Variants in ANKRD16 observed in about 807,000 individuals in gnomAD.
ANKRD16 encodes the protein ankyrin repeat domain 16.
Under a neutral mutation model 37.9 loss-of-function variants are expected in ANKRD16, and 35 were observed. That is an observed-to-expected ratio of 0.92 (90% confidence interval 0.71 to 1.23). ANKRD16 has a LOEUF of 1.23. Among genes scored for constraint, ANKRD16 ranks in the 50% most tolerant of loss-of-function variants. The pLI, the probability that ANKRD16 is intolerant of heterozygous loss-of-function variation, is 0.00. For missense variants in ANKRD16, 480 were observed against 469.9 expected, an observed-to-expected ratio of 1.02 and a Z score of -0.20; for synonymous variants, 206 against 197.2, an observed-to-expected ratio of 1.04 and a Z score of -0.37.
chr10:5,870,980 G>C lies in ANKRD16; in HGVS notation c.*33+7117C>G, dbSNP rs1446555495. 6.6e-6 allele frequency among the ~76,000 whole-genome samples: 1 copy of C among 152,208 alleles called. No individual in the cohort carries two copies. The highest frequency in any genetic ancestry group is 1.5e-5 in the Non-Finnish European group (1 of 68,038). ...ATTTTCAGCATGGTAGGAGGAGGCA[G>C]GTTCTGCAAATGCTGCAGGGTGGGT... is the stretch of plus-strand genomic sequence containing the variant. On this transcript the variant is annotated intron_variant, in intron 7 of 7. Coordinates refer to ENST00000380094, the MANE Select transcript of ANKRD16 (RefSeq NM_019046.3). This position sits in a 1 kb window ranked among gnomAD's most constrained non-coding sequence, Gnocchi z 5.0.
rs901791893 is a variant in ANKRD16 at position 5,878,693 on chromosome 10, G to A, written c.929-406C>T. On this transcript the variant is annotated intron_variant, in intron 6 of 7. Coordinates refer to ENST00000380094, the MANE Select transcript of ANKRD16 (RefSeq NM_019046.3). This position sits in a 1 kb window ranked among gnomAD's most constrained non-coding sequence, Gnocchi z 5.1. ...CATGCCTGTAATCCCAGCTACTCGG[G>A]AGGCTGAGGCAGGAAAATCGCTTGA... 2.0e-5 allele frequency among the ~76,000 whole-genome samples: 3 copies of A among 152,060 alleles called. No homozygotes were observed. The highest frequency in any genetic ancestry group is 7.2e-5 in the African/African-American group (3 of 41,474).
chr10:5,878,074 TTAAGAA>T lies in ANKRD16; in HGVS notation c.*33+17_*33+22del. The T allele has an allele frequency of 6.4e-7, 1 of 1,569,060 alleles. No homozygotes were observed. The highest frequency in any genetic ancestry group is 1.2e-5 in the South Asian group (1 of 83,730). On this transcript the variant is annotated intron_variant, in intron 7 of 7. Coordinates refer to ENST00000380094, the MANE Select transcript of ANKRD16 (RefSeq NM_019046.3). This position sits in a 1 kb window ranked among gnomAD's most constrained non-coding sequence, Gnocchi z 5.1. ...TGGTTTCGCTGAATCTGTGACTGACTTAAGAAGCAGGATATGAATTACCATGCACTT... is the reference window on the plus strand; with the variant it reads ...TGGTTTCGCTGAATCTGTGACTGACTGCAGGATATGAATTACCATGCACTT...
intron 6 of ANKRD16, among the ~76,000 whole-genome samples, chr10:5,879,584 A>C (rs753313344): frequency 2.6e-4 from 39 of 152,322 alleles, no homozygotes; most frequent in Non-Finnish European, 4.3e-4. Context: ...GATGTTTCTG[A>C]ATATTCTAAA....
At chr10:5,872,766 CA>C (rs1269015410) in intron 7 of ANKRD16, among the ~76,000 whole-genome samples, 9 of 151,866 alleles carry the variant, frequency 5.9e-5, no homozygotes, top group East Asian at 2.0e-4. Flanking sequence ...CCGTGTTAGC[CA>C]AGATGGTCTT....
rs1257207599 is a variant in ANKRD16 at position 5,869,771 on chromosome 10, G to C, written c.*34-7080C>G. Among the ~76,000 whole-genome samples the C allele has an allele frequency of 1.3e-5, 2 of 151,144 alleles. No individual in the cohort carries two copies. The highest frequency in any genetic ancestry group is 1.5e-5 in the Non-Finnish European group (1 of 67,806). The stretch of plus-strand genomic sequence containing the variant: ...GCTGGAAGCAGCTGGGGGTTGCTGG[G>C]GGGAGGGGTGGGTGGGTGGGAATCT... On this transcript the variant is annotated intron_variant, in intron 7 of 7. Coordinates refer to ENST00000380094, the MANE Select transcript of ANKRD16 (RefSeq NM_019046.3). This position sits in a 1 kb window ranked among gnomAD's most constrained non-coding sequence, Gnocchi z 4.0.
At position 5,874,091 on chromosome 10, in the gene ANKRD16, A is replaced by G. The variant is rs557658228; in HGVS notation, c.*33+4006T>C. Among the ~76,000 whole-genome samples, 1 of 151,672 alleles carries G rather than the reference A, an allele frequency of 6.6e-6. No homozygotes were observed. The highest frequency in any genetic ancestry group is 1.5e-5 in the Non-Finnish European group (1 of 67,954). On this transcript the variant is annotated intron_variant, in intron 7 of 7. Transcript: ENST00000380094. The surrounding 1 kb of genome is among the most constrained non-coding windows in gnomAD (Gnocchi z 4.7). The stretch of plus-strand genomic sequence containing the variant: ...TTTTTAGTAAAGACGGGATTTCACC[A>G]TGTTGGCCAGGATGGTCTCGATCTC...
rs1446534799 is a variant in ANKRD16, at chr10:5,868,269, T to C, written c.*34-5578A>G. Among the ~76,000 whole-genome samples, 1 of 152,220 alleles carries C rather than the reference T, an allele frequency of 6.6e-6. No individual in the cohort carries two copies. The highest frequency in any genetic ancestry group is 1.5e-5 in the Non-Finnish European group (1 of 68,038). On this transcript the variant is annotated intron_variant, in intron 7 of 7. Transcript: ENST00000380094. This position sits in a 1 kb window ranked among gnomAD's most constrained non-coding sequence, Gnocchi z 4.9. ...CCCCTGGACCAAACTGCTGGCCCTT[T>C]GACTGGCCTAAAGAGTTCCCCTCTA...
chr10:5,864,485 G>A lies in ANKRD16; in HGVS notation c.*34-1794C>T, dbSNP rs1202974853. Reference sequence around the variant, plus strand: ...TAAGTTTTCAGATATATCCTGATAGGTATATAGATGTCCCACAGGGTCCAG... The same window carrying A: ...TAAGTTTTCAGATATATCCTGATAGATATATAGATGTCCCACAGGGTCCAG... On this transcript the variant is annotated intron_variant, in intron 7 of 7. Coordinates refer to ENST00000380094, the MANE Select transcript of ANKRD16 (RefSeq NM_019046.3). This position sits in a 1 kb window ranked among gnomAD's most constrained non-coding sequence, Gnocchi z 4.4. 6.6e-6 allele frequency among the ~76,000 whole-genome samples: 1 copy of A among 152,082 alleles called. No homozygotes were observed. The highest frequency in any genetic ancestry group is 1.5e-5 in the Non-Finnish European group (1 of 68,026).
At chr10:5,876,855 G>A (rs1167008609) in intron 7 of ANKRD16, among the ~76,000 whole-genome samples, 1 of 152,024 alleles carries the variant, frequency 6.6e-6, no homozygotes, top group Admixed American at 6.6e-5. Context: ...GCAATTCAGA[G>A]AGAAGGATCA....
chr10:5,865,792 A>C lies in ANKRD16; in HGVS notation c.*34-3101T>G, dbSNP rs1489253906. On this transcript the variant is annotated intron_variant, in intron 7 of 7. Transcript: ENST00000380094. The surrounding 1 kb of genome is among the most constrained non-coding windows in gnomAD (Gnocchi z 4.7). ...TTACTGATTTGTTGTCCCCTGCTTG[A>C]GGAGGGAATCAACCCTGAAGTCTGG... Among the ~76,000 whole-genome samples, 4 of 152,166 alleles carry C rather than the reference A, an allele frequency of 2.6e-5. No individual in the cohort carries two copies. The highest frequency in any genetic ancestry group is 5.9e-5 in the Non-Finnish European group (4 of 68,020).
intron 5 of ANKRD16, among the ~76,000 whole-genome samples, chr10:5,881,481 T>TATATATATATATATATATATATATA: frequency 7.7e-6 from 1 of 129,348 alleles, no homozygotes; most frequent in South Asian, 2.5e-4. Context: ...TATATATATA[T>TATATATATATATATATATATATATA]TTGAGATGTA....
rs989889105 is a variant in ANKRD16, at chr10:5,869,061, T to C, written c.*34-6370A>G. 1.4e-4 allele frequency among the ~76,000 whole-genome samples: 22 copies of C among 152,218 alleles called. No homozygotes were observed. Among genetic ancestry groups the C allele is most frequent in the African/African-American group, 4.8e-4 (20 of 41,520 alleles). Reference sequence around the variant, plus strand: ...CAAATTTGTAAATTTTCTTAAAACATTGAGATGTTTTGCGATTTTTTTTTT... The same window carrying C: ...CAAATTTGTAAATTTTCTTAAAACACTGAGATGTTTTGCGATTTTTTTTTT... On this transcript the variant is annotated intron_variant, in intron 7 of 7. Transcript: ENST00000380094. This position sits in a 1 kb window ranked among gnomAD's most constrained non-coding sequence, Gnocchi z 4.0.
chr10:5,886,254 T>TA (rs964230207), intron 2 of ANKRD16, among the ~76,000 whole-genome samples: 5 of 150,802 alleles, frequency 3.3e-5, no homozygotes, highest in Admixed American at 2.6e-4. Context: ...ATTCATGAGC[T>TA]AAAAAAAAGT....
chr10:5,888,495 G>A (rs1842493922), intron 1 of ANKRD16, among the ~76,000 whole-genome samples: 1 of 152,208 alleles, frequency 6.6e-6, no homozygotes, highest in African/African-American at 2.4e-5. Context: ...ACTAAAATCA[G>A]TGTCAATCTA....
At position 5,869,679 on chromosome 10, in the gene ANKRD16, C is replaced by T. The variant is rs965943799; in HGVS notation, c.*34-6988G>A. Among the ~76,000 whole-genome samples the T allele has an allele frequency of 4.7e-5, 7 of 148,882 alleles. No homozygotes were observed. Among genetic ancestry groups the T allele is most frequent in the South Asian group, 2.1e-4 (1 of 4,688 alleles). On this transcript the variant is annotated intron_variant, in intron 7 of 7. Transcript: ENST00000380094. This position sits in a 1 kb window ranked among gnomAD's most constrained non-coding sequence, Gnocchi z 4.0. ...GCTGGGGAGGAACCGGCAGGGTGAA[C>T]GCGAGTATTTCTCCTCATGCACAAG...
At chr10:5,888,877 T>C (rs890538211) in intron 1 of ANKRD16, among the ~76,000 whole-genome samples, 164 bp downstream of exon 1, 1 of 152,170 alleles carries the variant, frequency 6.6e-6, no homozygotes, top group African/African-American at 2.4e-5. Flanking sequence ...TCATCTGCGT[T>C]ATAAGGGAAA....
intron 3 of ANKRD16, among the ~76,000 whole-genome samples, chr10:5,884,691 C>A (rs2131777898): frequency 7.0e-6 from 1 of 142,514 alleles, no homozygotes; most frequent in South Asian, 2.2e-4. Flanking sequence ...GAGATTGCAC[C>A]ATTGCAGTCC....
At chr10:5,875,503 G>C (rs922260834) in intron 7 of ANKRD16, among the ~76,000 whole-genome samples, 4 of 152,154 alleles carry the variant, frequency 2.6e-5, no homozygotes, top group Non-Finnish European at 5.9e-5. Context: ...TGAAGAAAAG[G>C]ACACAATTTT....
intron 5 of ANKRD16, 170 bp downstream of exon 5, chr10:5,882,836 T>C: frequency 1.5e-6 from 1 of 647,880 alleles, no homozygotes; most frequent in Admixed American, 3.7e-5. Flanking sequence ...TCAAGTCAGG[T>C]TTCTATTTAA....
Sources: allele counts gnomAD v4.1 joint callset (sites outside exome capture counted in the v4.1 genomes callset), GRCh38; gene constraint gnomAD v4.1.1; non-coding constraint Gnocchi (gnomAD v3.1); transcripts MANE v1.5; gene names NCBI Gene and HGNC (gene_info 2026-07-23, HGNC 2026-07-21).